The following ISCA1 variants were observed in gnomAD, a reference collection of about 807,000 sequenced individuals.
ISCA1 encodes the protein iron-sulfur cluster assembly 1 homolog, mitochondrial.
Under a neutral mutation model 14.7 loss-of-function variants are expected in ISCA1, and 9 were observed. The observed-to-expected ratio is 0.61, with a 90% CI of 0.37 to 1.07. ISCA1 has a LOEUF of 1.07. Among genes scored for constraint, ISCA1 ranks in the 50% least tolerant of loss-of-function variants. ISCA1 has a pLI of 0.01. For missense variants in ISCA1, 102 were observed against 150.1 expected, an observed-to-expected ratio of 0.68 and a Z score of 1.67; for synonymous variants, 38 against 54.3, an observed-to-expected ratio of 0.70 and a Z score of 1.32.
chr9:86,268,176 A>C (rs1214127379), intron 3 of ISCA1, among the ~76,000 whole-genome samples: 1 of 152,126 alleles, frequency 6.6e-6, no homozygotes. Context: ...AGAAGAAGGC[A>C]TCATTATCAC....
chr9:86,269,610 C>CA (rs61324769), intron 3 of ISCA1, among the ~76,000 whole-genome samples: 3,715 of 145,878 alleles, frequency 0.025, 151 homozygotes, highest in African/African-American at 0.086. Flanking sequence ...CATATGGAAC[C>CA]AAAAAAAAAA....
intron 3 of ISCA1, chr9:86,267,843 A>AC (rs1825309152): frequency 6.4e-6 from 1 of 155,802 alleles, no homozygotes. Context: ...ATTAAAAAAA[A>AC]AAAAAAAAAA....
intron 1 of ISCA1, among the ~76,000 whole-genome samples, chr9:86,280,594 C>CAA (rs59525482): frequency 0.29 from 27,671 of 96,098 alleles, 3,861 homozygotes; most frequent in East Asian, 0.43. Context: ...AACCCTGTCT[C>CAA]AAAAAAAAAA....
In ISCA1 at chr9:86,266,100, C is replaced by T. The variant is rs1825290592; in HGVS notation, c.333G>A (p.Val111=). ...YVEDKLSSEF[V]FNNPNIKGTC... ...TCCCTTTGATGTTTGGGTTATTGAACACAAACTCACTGGATAATTTGTCTT... is the reference window on the plus strand; with the variant it reads ...TCCCTTTGATGTTTGGGTTATTGAATACAAACTCACTGGATAATTTGTCTT... The change falls in exon 4 of 4, where the codon GTG becomes GTA. Residue 111 remains valine (V), a synonymous_variant. Coordinates refer to ENST00000375991, the MANE Select transcript of ISCA1 (RefSeq NM_030940.4). 6.8e-6 allele frequency: 11 copies of T among 1,612,746 alleles called. No individual in the cohort carries two copies. The Admixed American group carries it at 1.7e-4, about 24-fold the overall frequency.
intron 2 of ISCA1, 63 bp downstream of exon 2, chr9:86,274,126 G>A: frequency 1.1e-6 from 1 of 905,010 alleles, no homozygotes; most frequent in East Asian, 2.4e-5. Context: ...TATATCATGG[G>A]ATAAATTCAT....
chr9:86,278,232 T>C (rs564272445), intron 1 of ISCA1, among the ~76,000 whole-genome samples: 1 of 152,210 alleles, frequency 6.6e-6, no homozygotes, highest in East Asian at 1.9e-4. Context: ...AAGTACAGTG[T>C]ATTTTATTAA....
chr9:86,272,559 G>A (rs1337738917), intron 2 of ISCA1, among the ~76,000 whole-genome samples: 1 of 152,160 alleles, frequency 6.6e-6, no homozygotes. Flanking sequence ...TTAAAAAAGT[G>A]ACCAAACAGC....
chr9:86,280,349 G>A (rs1825494070), intron 1 of ISCA1, among the ~76,000 whole-genome samples: 1 of 152,094 alleles, frequency 6.6e-6, no homozygotes, highest in South Asian at 2.1e-4. Flanking sequence ...ACTTTGGGAG[G>A]CTGAGACGAG....
Position 86,282,468 on chromosome 9 carries a change from C to T in ISCA1, c.-10G>A, listed in dbSNP as rs1195676404. The T allele has an allele frequency of 2.6e-6, 4 of 1,551,278 alleles. No homozygotes were observed. The highest frequency in any genetic ancestry group is 3.9e-5 in the Admixed American group (2 of 51,124). ...CTAAGGAAGCCGACATCTTCGCCGT[C>T]CCGGCGCCCCGGTGCCTCGGGCCGA... On this transcript the variant is annotated 5_prime_UTR_variant, in exon 1 of 4. Coordinates refer to ENST00000375991, the MANE Select transcript of ISCA1 (RefSeq NM_030940.4).
intron 1 of ISCA1, among the ~76,000 whole-genome samples, chr9:86,274,540 TG>T (rs775194693): frequency 8.5e-5 from 13 of 152,214 alleles, no homozygotes; most frequent in Non-Finnish European, 1.5e-4. Context: ...GCTATTTTTC[TG>T]GGCAGCATCT....
At chr9:86,274,356 T>G (rs1825415773) in intron 1 of ISCA1, 114 bp from the exon 2 acceptor site, 4 of 695,476 alleles carry the variant, frequency 5.8e-6, no homozygotes, top group Admixed American at 2.4e-5. Context: ...TATGTTCCAT[T>G]CTTGCCAGGG....
At chr9:86,282,030 G>C (rs1020972039) in intron 1 of ISCA1, 2 of 266,390 alleles carry the variant, frequency 7.5e-6, no homozygotes, top group Non-Finnish European at 1.4e-5. Context: ...TTCAGCCTCT[G>C]CTTAACCGGA....
intron 3 of ISCA1, chr9:86,267,182 G>T: frequency 3.6e-6 from 1 of 279,806 alleles, no homozygotes; most frequent in Non-Finnish European, 5.4e-6. Flanking sequence ...CCATGATTGT[G>T]CCACTGCACT....
chr9:86,274,155 G>GT, intron 2 of ISCA1, 34 bp downstream of exon 2: 1 of 1,256,208 alleles, frequency 8.0e-7, no homozygotes, highest in Non-Finnish European at 1.2e-6. Flanking sequence ...TGCAGCTTCA[G>GT]TTTTTTACTG....
chr9:86,267,702 G>A lies in ISCA1; in HGVS notation c.242-1511C>T, dbSNP rs533709304. 7 of 511,766 alleles carry A rather than the reference G, an allele frequency of 1.4e-5. No individual in the cohort carries two copies. In the South Asian group the frequency reaches 5.9e-4, roughly 43 times the overall value. The allele number at this position is 511,766 out of a possible 1,614,324, so 31.7% of individuals were successfully genotyped here. A position where few individuals can be genotyped will look rare whatever the true frequency, so the allele number is the denominator to read the frequency against. The stretch of plus-strand genomic sequence containing the variant: ...ACAAAAATGAACCAGGCATGGTGGT[G>A]GGCGCCTATAATCCCAGCTACTTGG... On this transcript the variant is annotated intron_variant, in intron 3 of 3. Transcript: ENST00000375991.
chr9:86,266,432 C>T (rs1825293764), intron 3 of ISCA1, among the ~76,000 whole-genome samples: 1 of 152,086 alleles, frequency 6.6e-6, no homozygotes, highest in Admixed American at 6.5e-5. Context: ...AATTCCATGA[C>T]AATTTTATGC....
rs1239779528 is a variant in ISCA1, at chr9:86,265,880, T to C, written c.*163A>G. 2 of 1,119,454 alleles carry C rather than the reference T, an allele frequency of 1.8e-6. No individual in the cohort carries two copies. Among genetic ancestry groups the C allele is most frequent in the Non-Finnish European group, 1.4e-6 (1 of 734,590 alleles). 69.3% of individuals were successfully genotyped at this position (1,119,454 alleles called of 1,614,324 possible). A position where few individuals can be genotyped will look rare whatever the true frequency, so the allele number is the denominator to read the frequency against. On this transcript the variant is annotated 3_prime_UTR_variant, in exon 4 of 4. Transcript: ENST00000375991. ...ATGGCTTCTCATTTTCTGTCCCCTA[T>C]AGAGAATATAAATATCATTTCTTCT...
chr9:86,278,620 T>A lies in ISCA1; in HGVS notation c.81+3758A>T, dbSNP rs73486991. 3.1e-3 allele frequency among the ~76,000 whole-genome samples: 479 copies of A among 152,294 alleles called. 1 individual carries two copies. Among genetic ancestry groups the A allele is most frequent in the African/African-American group, 0.011 (465 of 41,580 alleles). On this transcript the variant is annotated intron_variant, in intron 1 of 3. Transcript: ENST00000375991. ...AGGAGTTTGAAGCTGCAGTAAGCCA[T>A]GATCATGCCACTGCATATGAGCCTG...
chr9:86,274,846 T>G (rs1383472256), intron 1 of ISCA1, among the ~76,000 whole-genome samples: 1 of 152,066 alleles, frequency 6.6e-6, no homozygotes, highest in Admixed American at 6.6e-5. Context: ...TCTCAGGAGA[T>G]CTAGATGAAC....
Sources: gnomAD v4.1 joint callset for allele counts (sites outside exome capture counted in the v4.1 genomes callset) on GRCh38, gnomAD v4.1.1 for gene constraint, MANE v1.5 for transcripts, NCBI Gene and HGNC (gene_info 2026-07-23, HGNC 2026-07-21) for gene names.